The following ADGRD1 variants were observed in gnomAD, a reference collection of about 807,000 sequenced individuals.
The protein encoded by ADGRD1 is adhesion G protein-coupled receptor D1, also known as G-protein coupled receptor 133.
ADGRD1 carries 77 observed loss-of-function variants against 113.4 expected under a neutral mutation model. That is an observed-to-expected ratio of 0.68 (90% confidence interval 0.57 to 0.82). ADGRD1 has a LOEUF of 0.82. Ranked by LOEUF, ADGRD1 falls within the 40% of genes least tolerant of loss-of-function variation. The probability of loss-of-function intolerance (pLI) is 0.00; values close to 1 mark genes in which losing one functional copy is unlikely to be tolerated. For missense variants in ADGRD1, 1,036 were observed against 1,139.1 expected (o/e 0.91, Z 1.30); for synonymous variants, 474 against 475.0 (o/e 1.00, Z 0.03).
chr12:131,000,611 G>A (rs1876242434), intron 9 of ADGRD1, among the ~76,000 whole-genome samples, 169 bp downstream of exon 9: 1 of 151,950 alleles, frequency 6.6e-6, no homozygotes, highest in African/African-American at 2.4e-5. Context: ...CGTGGTGGCG[G>A]GCACCTGTAG....
At chr12:131,049,811 C>T (rs764080331) in intron 13 of ADGRD1, among the ~76,000 whole-genome samples, 16 of 152,188 alleles carry the variant, frequency 1.1e-4, no homozygotes, top group Non-Finnish European at 2.4e-4. Context: ...CCCAGCCGTC[C>T]AGCAGGACCA....
At chr12:131,042,256 G>T (rs747703097) in intron 13 of ADGRD1, among the ~76,000 whole-genome samples, 8 of 152,140 alleles carry the variant, frequency 5.3e-5, no homozygotes, top group Non-Finnish European at 8.8e-5. Context: ...CTTCCATGGG[G>T]CCACATCCTG....
chr12:131,134,688 G>A (rs1272032594), intron 21 of ADGRD1, among the ~76,000 whole-genome samples: 4 of 152,366 alleles, frequency 2.6e-5, no homozygotes, highest in African/African-American at 9.6e-5. Context: ...GTCAGTGCCA[G>A]GCTCTTGGTC....
At position 131,057,341 on chromosome 12, in the gene ADGRD1, G is replaced by A. The variant is rs1365508894; in HGVS notation, c.1474-19460G>A. On this transcript the variant is annotated intron_variant, in intron 13 of 24. Transcript: ENST00000261654. The surrounding 1 kb of genome is among the most constrained non-coding windows in gnomAD (Gnocchi z 4.2). ...ACCAGAGAATGCTTGGAAGGGGAAC[G>A]GTGGAGAAAAGGGGCCAGATGGCAG... 3.3e-5 allele frequency among the ~76,000 whole-genome samples: 5 copies of A among 152,146 alleles called. No individual in the cohort carries two copies. The highest frequency in any genetic ancestry group is 6.5e-5 in the Admixed American group (1 of 15,274).
intron 15 of ADGRD1, among the ~76,000 whole-genome samples, chr12:131,098,709 C>T (rs73149906): frequency 0.019 from 2,910 of 152,324 alleles, 38 homozygotes; most frequent in Non-Finnish European, 0.031. Flanking sequence ...CCTCCGCCAC[C>T]GCCCCTGTGT....
intron 15 of ADGRD1, among the ~76,000 whole-genome samples, chr12:131,088,381 C>G (rs1040234617): frequency 1.3e-5 from 2 of 152,334 alleles, no homozygotes; most frequent in Admixed American, 1.3e-4. Flanking sequence ...CCCGTAAGGG[C>G]CACGCGGGAG....
intron 15 of ADGRD1, among the ~76,000 whole-genome samples, chr12:131,103,946 T>C (rs895927854): frequency 6.6e-6 from 1 of 152,168 alleles, no homozygotes; most frequent in African/African-American, 2.4e-5. Flanking sequence ...CGGAGCCTCC[T>C]GGAGCGCAGG....
intron 13 of ADGRD1, chr12:131,070,998 T>C: frequency 2.0e-6 from 1 of 509,652 alleles, no homozygotes; most frequent in South Asian, 1.4e-5. Context: ...CTGGAGCCAC[T>C]TGATAGAGGG....
rs1464976901 is a variant in ADGRD1 at position 130,954,323 on chromosome 12, C to T, written c.-143C>T. 1 of 664,334 alleles carries T rather than the reference C, an allele frequency of 1.5e-6. No homozygotes were observed. Among genetic ancestry groups the T allele is most frequent in the Non-Finnish European group, 2.5e-6 (1 of 399,474 alleles). 41.2% of individuals were successfully genotyped at this position (664,334 alleles called of 1,614,324 possible). ...TTAGGTCTCCAAGACAGCTGTGTTT[C>T]ACAAACTTTAAGGAGACAGAAATTT... On this transcript the variant is annotated 5_prime_UTR_variant, in exon 1 of 25. Transcript: ENST00000261654. The surrounding 1 kb of genome is among the most constrained non-coding windows in gnomAD (Gnocchi z 4.7).
At chr12:130,985,457 T>C (rs1358571370) in intron 5 of ADGRD1, among the ~76,000 whole-genome samples, 2 of 152,224 alleles carry the variant, frequency 1.3e-5, no homozygotes, top group African/African-American at 4.8e-5. Context: ...TCTAGATGTT[T>C]TTCCTATATT....
intron 13 of ADGRD1, among the ~76,000 whole-genome samples, chr12:131,072,206 T>A (rs1885241736): frequency 6.6e-6 from 1 of 151,936 alleles, no homozygotes; most frequent in Non-Finnish European, 1.5e-5. Context: ...ACGGGACTCC[T>A]GAGGTTTCGC....
intron 9 of ADGRD1, chr12:131,002,784 C>T (rs1490095189): frequency 2.4e-6 from 3 of 1,243,844 alleles, no homozygotes; most frequent in Non-Finnish European, 3.1e-6. Flanking sequence ...GCTGGTGTCC[C>T]CATCCCAGAG....
rs756740894 is a variant in ADGRD1 at position 131,096,696 on chromosome 12, C to T, written c.1672-8135C>T. Among the ~76,000 whole-genome samples the T allele has an allele frequency of 2.0e-5, 3 of 152,196 alleles. No homozygotes were observed. The highest frequency in any genetic ancestry group is 3.9e-4 in the East Asian group (2 of 5,194). On this transcript the variant is annotated intron_variant, in intron 15 of 24. Transcript: ENST00000261654. This position sits in a 1 kb window ranked among gnomAD's most constrained non-coding sequence, Gnocchi z 5.2. The stretch of plus-strand genomic sequence containing the variant: ...GCACTGCCGGTCCAGTTTTATATCC[C>T]GCCTCCATCTGTGAGGATGGGTTCC...
At position 131,118,363 on chromosome 12, in the gene ADGRD1, G is replaced by A. The variant is rs561217358; in HGVS notation, c.2042-22G>A. On this transcript the variant is annotated intron_variant, in intron 18 of 24. Coordinates refer to ENST00000261654, the MANE Select transcript of ADGRD1 (RefSeq NM_198827.5). Reference sequence around the variant, plus strand: ...GAAGAAAACTGGAGCAAGTGAACATGATATTCTCCAATCTTCTGCAGGTTT... The same window carrying A: ...GAAGAAAACTGGAGCAAGTGAACATAATATTCTCCAATCTTCTGCAGGTTT... The A allele has an allele frequency of 2.1e-5, 33 of 1,586,218 alleles. No homozygotes were observed. The East Asian group carries it at 3.1e-4, about 15-fold the overall frequency.
chr12:131,081,523 C>G (rs1320357686), intron 14 of ADGRD1, among the ~76,000 whole-genome samples: 2 of 152,198 alleles, frequency 1.3e-5, no homozygotes, highest in Non-Finnish European at 2.9e-5. Flanking sequence ...CCTTCAAGTA[C>G]TATGATATCA....
In ADGRD1 at chr12:130,965,239, A is replaced by C. The variant is rs1319839218; in HGVS notation, c.104-1224A>C. Reference sequence around the variant, plus strand: ...TGACATTTGTATATTAAATTTGTACAAGCCTCCTTGCTAAATTCTTTTGTT... The same window carrying C: ...TGACATTTGTATATTAAATTTGTACCAGCCTCCTTGCTAAATTCTTTTGTT... On this transcript the variant is annotated intron_variant, in intron 2 of 24. Transcript: ENST00000261654. This position sits in a 1 kb window ranked among gnomAD's most constrained non-coding sequence, Gnocchi z 4.8. 6.6e-6 allele frequency among the ~76,000 whole-genome samples: 1 copy of C among 152,222 alleles called. No individual in the cohort carries two copies. Among genetic ancestry groups the C allele is most frequent in the East Asian group, 1.9e-4 (1 of 5,200 alleles).
chr12:131,038,266 A>T (rs988185708), intron 13 of ADGRD1, among the ~76,000 whole-genome samples: 2 of 152,234 alleles, frequency 1.3e-5, no homozygotes, highest in Admixed American at 6.5e-5. Context: ...CACATAGCCC[A>T]GTGTCTCCAC....
At chr12:131,122,978 C>T (rs1950635202) in intron 20 of ADGRD1, among the ~76,000 whole-genome samples, 1 of 148,094 alleles carries the variant, frequency 6.8e-6, no homozygotes, top group Non-Finnish European at 1.5e-5. Context: ...TGTCAGTGGC[C>T]ATCATTCCTG....
At chr12:131,102,527 C>G (rs932122337) in intron 15 of ADGRD1, among the ~76,000 whole-genome samples, 3 of 152,206 alleles carry the variant, frequency 2.0e-5, no homozygotes, top group African/African-American at 7.2e-5. Context: ...GGCCCCTGTT[C>G]GCCCACAGCG....
Sources: gnomAD v4.1 joint callset for allele counts (sites outside exome capture counted in the v4.1 genomes callset) on GRCh38, gnomAD v4.1.1 for gene constraint, Gnocchi (gnomAD v3.1) non-coding constraint, MANE v1.5 for transcripts, NCBI Gene and HGNC (gene_info 2026-07-23, HGNC 2026-07-21) for gene names.